Variants in OCA2 observed in about 807,000 individuals in gnomAD.
OCA2 encodes the protein OCA2 melanosomal transmembrane protein.
In OCA2, 77 loss-of-function variants were observed where a neutral mutation model predicts 100.2. The observed-to-expected ratio is 0.77, with a 90% CI of 0.64 to 0.93. OCA2 has a LOEUF of 0.93. Among genes scored for constraint, OCA2 ranks in the 40% least tolerant of loss-of-function variants. The probability of loss-of-function intolerance (pLI) is 0.00; values close to 1 mark genes in which losing one functional copy is unlikely to be tolerated. For missense variants in OCA2, 1,062 were observed against 1,089.1 expected, an observed-to-expected ratio of 0.98 and a Z score of 0.35; for synonymous variants, 432 against 439.2, an observed-to-expected ratio of 0.98 and a Z score of 0.21.
intron 21 of OCA2, among the ~76,000 whole-genome samples, chr15:27,860,609 T>C (rs1393288287): frequency 1.3e-5 from 2 of 152,262 alleles, no homozygotes; most frequent in African/African-American, 2.4e-5. Flanking sequence ...GGTCCATCCA[T>C]GTTGCTGCAA....
intron 22 of OCA2, among the ~76,000 whole-genome samples, chr15:27,850,313 C>A (rs2035700008): frequency 1.3e-5 from 2 of 152,166 alleles, no homozygotes; most frequent in African/African-American, 4.8e-5. Context: ...GGTGACCATC[C>A]TCCCCACTCG....
chr15:27,977,861 G>A (rs2041020622), intron 14 of OCA2, among the ~76,000 whole-genome samples: 1 of 152,182 alleles, frequency 6.6e-6, no homozygotes, highest in South Asian at 2.1e-4. Context: ...CAGTGAGAGA[G>A]CGGCCATCTG....
At chr15:28,038,701 A>G (rs1273007906) in intron 2 of OCA2, among the ~76,000 whole-genome samples, 1 of 152,246 alleles carries the variant, frequency 6.6e-6, no homozygotes, top group Middle Eastern at 3.2e-3. Flanking sequence ...CTCAGAAAAC[A>G]TCTGAGAAGA....
At chr15:28,082,318 T>C (rs1035421297) in intron 1 of OCA2, among the ~76,000 whole-genome samples, 2 of 152,156 alleles carry the variant, frequency 1.3e-5, no homozygotes, top group African/African-American at 4.8e-5. Context: ...CCCCTACTAA[T>C]CTGTGGATAC....
chr15:27,998,298 A>G (rs1455464512), intron 9 of OCA2, among the ~76,000 whole-genome samples: 1 of 88,236 alleles, frequency 1.1e-5, no homozygotes, highest in African/African-American at 2.7e-5. Context: ...CAACCTACTC[A>G]TCTGACAAAG....
chr15:27,871,295 G>A (rs748405289), intron 20 of OCA2, 37 bp from the exon 21 acceptor site: 30 of 1,517,368 alleles, frequency 2.0e-5, no homozygotes, highest in East Asian at 1.6e-4. Context: ...GTGTTCCATC[G>A]CATGCACTTA....
At position 27,999,336 on chromosome 15, in the gene OCA2, T is replaced by C. The variant is rs556051470; in HGVS notation, c.1045-8689A>G. ...TACGCAAATCAATAAATGTGATACA[T>C]TGCCTTAACAGAATGAAGGATAAAA... On this transcript the variant is annotated intron_variant, in intron 9 of 23. Transcript: ENST00000354638. 3.3e-5 allele frequency among the ~76,000 whole-genome samples: 5 copies of C among 152,296 alleles called. No homozygotes were observed. The South Asian group carries it at 8.3e-4, about 25-fold the overall frequency.
At chr15:27,955,100 A>G in intron 17 of OCA2, 58 bp downstream of exon 17, 4 of 1,196,454 alleles carry the variant, frequency 3.3e-6, no homozygotes, top group South Asian at 1.2e-5. Flanking sequence ...AAAAGGCATC[A>G]CTCACTCTCT....
intron 23 of OCA2, among the ~76,000 whole-genome samples, chr15:27,787,747 A>G (rs1413740476): frequency 6.6e-6 from 1 of 151,538 alleles, no homozygotes; most frequent in Non-Finnish European, 1.5e-5. Flanking sequence ...CCTATTGTTT[A>G]TTATTTTCTT....
chr15:28,025,875 T>G (rs1391940902), intron 4 of OCA2, among the ~76,000 whole-genome samples: 2 of 152,272 alleles, frequency 1.3e-5, no homozygotes, highest in Non-Finnish European at 2.9e-5. Flanking sequence ...AAGTTGCATC[T>G]GTCTTTGAAA....
At chr15:27,890,724 G>T (rs2037421518) in intron 19 of OCA2, among the ~76,000 whole-genome samples, 2 of 152,246 alleles carry the variant, frequency 1.3e-5, no homozygotes, top group South Asian at 4.1e-4. Flanking sequence ...CAAAGATAAA[G>T]AAAATTACAA....
At chr15:27,847,334 T>C (rs1441541165) in intron 22 of OCA2, among the ~76,000 whole-genome samples, 2 of 152,162 alleles carry the variant, frequency 1.3e-5, no homozygotes, top group Admixed American at 6.5e-5. Flanking sequence ...GTCTCCACTG[T>C]TCTCGGCCTC....
At chr15:28,076,798 G>C (rs1231000636) in intron 2 of OCA2, among the ~76,000 whole-genome samples, 1 of 140,556 alleles carries the variant, frequency 7.1e-6, no homozygotes, top group African/African-American at 2.8e-5. Flanking sequence ...AGTGAGCCGA[G>C]ATTGCGCCAC....
At chr15:27,875,141 T>C (rs1261097012) in intron 19 of OCA2, among the ~76,000 whole-genome samples, 1 of 152,172 alleles carries the variant, frequency 6.6e-6, no homozygotes, top group African/African-American at 2.4e-5. Context: ...ATCATCACTA[T>C]AAAGATACTA....
At chr15:27,869,601 T>C (rs555982791) in intron 21 of OCA2, among the ~76,000 whole-genome samples, 1 of 152,234 alleles carries the variant, frequency 6.6e-6, no homozygotes, top group Non-Finnish European at 1.5e-5. Flanking sequence ...AGGGCTCTTC[T>C]AATTCAGTCC....
At chr15:27,930,438 TAGC>T (rs1462521442) in intron 18 of OCA2, among the ~76,000 whole-genome samples, 1 of 151,978 alleles carries the variant, frequency 6.6e-6, no homozygotes, top group Non-Finnish European at 1.5e-5. Context: ...AAAATTTAAA[TAGC>T]AGGGTTTGAC....
chr15:27,952,006 C>A, intron 17 of OCA2, 114 bp from the exon 18 acceptor site: 1 of 789,970 alleles, frequency 1.3e-6, no homozygotes, highest in African/African-American at 1.7e-5. Flanking sequence ...AAAAATGTAA[C>A]CTCTCGAACT....
intron 23 of OCA2, among the ~76,000 whole-genome samples, chr15:27,771,433 G>GTC (rs1555403745): frequency 6.0e-5 from 9 of 151,096 alleles, no homozygotes; most frequent in African/African-American, 2.2e-4. Flanking sequence ...TCAATGGGCC[G>GTC]CCCCTCCGTG....
intron 23 of OCA2, among the ~76,000 whole-genome samples, chr15:27,783,200 C>T (rs1402199733): frequency 1.3e-5 from 2 of 152,102 alleles, no homozygotes; most frequent in Non-Finnish European, 2.9e-5. Context: ...ATTCTGGGGA[C>T]CCCAAGCATG....
Sources: allele counts gnomAD v4.1 joint callset (sites outside exome capture counted in the v4.1 genomes callset), GRCh38; gene constraint gnomAD v4.1.1; transcripts MANE v1.5; gene names NCBI Gene and HGNC (gene_info 2026-07-23, HGNC 2026-07-21).